The following HS3ST5 variants were observed in gnomAD, a reference collection of about 807,000 sequenced individuals.
The protein encoded by HS3ST5 is heparan sulfate glucosamine 3-O-sulfotransferase 5.
In HS3ST5, 10 loss-of-function variants were observed where a neutral mutation model predicts 25.4. The ratio of observed to expected loss-of-function variants is 0.39; its 90% CI spans 0.24 to 0.67. The LOEUF (loss-of-function observed/expected upper bound fraction) is 0.67. Ranked by LOEUF, HS3ST5 falls within the 30% of genes least tolerant of loss-of-function variation. The pLI is 0.44. For synonymous variants in HS3ST5, 170 were observed against 162.4 expected (o/e 1.05, Z -0.36); for missense variants, 324 against 420.7 (o/e 0.77, Z 2.01).
chr6:114,072,796 T>A lies in HS3ST5; in HGVS notation c.-32-9919A>T, dbSNP rs143041579. 2.4e-3 allele frequency among the ~76,000 whole-genome samples: 365 copies of A among 152,278 alleles called. 2 individuals are homozygous for A. Among genetic ancestry groups the A allele is most frequent in the African/African-American group, 8.3e-3 (346 of 41,546 alleles). ...TCACAGAATTGGAAAAAAACTACTG[T>A]AAATTTCATATGGAATCAAAAAAGA... On this transcript the variant is annotated intron_variant, in intron 3 of 4. Transcript: ENST00000312719.
intron 1 of HS3ST5, among the ~76,000 whole-genome samples, chr6:114,304,435 C>T (rs1453443876): frequency 2.6e-5 from 4 of 152,044 alleles, no homozygotes; most frequent in Non-Finnish European, 4.4e-5. Flanking sequence ...AGAACTCTCA[C>T]ATTTATTTTT....
chr6:114,179,035 C>T (rs1295208686), intron 2 of HS3ST5: 1 of 152,150 alleles, frequency 6.6e-6, no homozygotes, highest in Non-Finnish European at 1.5e-5. Context: ...GTAGCCACTC[C>T]CAGTCAAGGA....
intron 1 of HS3ST5, among the ~76,000 whole-genome samples, chr6:114,284,052 A>G (rs1378506932): frequency 6.6e-6 from 1 of 151,940 alleles, no homozygotes; most frequent in Non-Finnish European, 1.5e-5. Context: ...TTGATCAGGA[A>G]TCTAATCTTA....
Position 114,155,403 on chromosome 6 carries a change from A to G in HS3ST5, c.-33+12948T>C, listed in dbSNP as rs185897643. Among the ~76,000 whole-genome samples the G allele has an allele frequency of 1.6e-4, 24 of 152,274 alleles. No homozygotes were observed. In the East Asian group the frequency reaches 2.1e-3, roughly 14 times the overall value. On this transcript the variant is annotated intron_variant, in intron 3 of 4. Transcript: ENST00000312719. ...TATTAGTCTTCTGTTAATCAAGCCA[A>G]TGGATTCTATTCAAAACTTGGAAAA...
intron 3 of HS3ST5, among the ~76,000 whole-genome samples, chr6:114,067,488 T>G (rs1773521539): frequency 2.0e-5 from 3 of 152,198 alleles, no homozygotes; most frequent in African/African-American, 7.2e-5. Flanking sequence ...ACAGGTCATC[T>G]GGTATATACT....
chr6:114,088,409 T>A (rs1019584916), intron 3 of HS3ST5, among the ~76,000 whole-genome samples: 3 of 151,684 alleles, frequency 2.0e-5, no homozygotes, highest in Admixed American at 6.6e-5. Context: ...TTTTTTTTTT[T>A]TAATTTTTCT....
At chr6:114,218,703 G>A (rs1781886695) in intron 2 of HS3ST5, among the ~76,000 whole-genome samples, 1 of 152,182 alleles carries the variant, frequency 6.6e-6, no homozygotes, top group African/African-American at 2.4e-5. Context: ...TAGAATCAGA[G>A]TTGTATTACT....
At position 114,057,681 on chromosome 6, in the gene HS3ST5, G is replaced by C; in HGVS notation, c.617C>G (p.Thr206Ser). The C allele has an allele frequency of 6.2e-7, 1 of 1,614,160 alleles. No homozygotes were observed. Among genetic ancestry groups the C allele is most frequent in the South Asian group, 1.1e-5 (1 of 91,084 alleles). The change falls in exon 5 of 5, where the codon ACT (threonine) becomes AGT (serine). Residue 206 changes from threonine (T) to serine (S), a missense_variant. Physicochemically the swap from Thr to Ser is moderately conservative, Grantham distance 58. This residue lies in a region of HS3ST5 where 203 missense variants were observed against 303.4 expected (regional missense o/e 0.67). Coordinates refer to ENST00000312719, the MANE Select transcript of HS3ST5 (RefSeq NM_153612.4). ...GGCCAGCTTCTCAAACTTGTAATAA[G>C]TTTTGTTCTTCCTCTCCTTCCCCTC... The part of the protein sequence containing the change: ...VLEGKERKNK[T>S]YYKFEKLAID...
chr6:114,282,826 A>G (rs2114743972), intron 1 of HS3ST5, among the ~76,000 whole-genome samples: 1 of 152,180 alleles, frequency 6.6e-6, no homozygotes, highest in East Asian at 1.9e-4. Context: ...TAGTGTAGCT[A>G]ATTTCTTACA....
chr6:114,321,391 T>C (rs575614990), intron 1 of HS3ST5, among the ~76,000 whole-genome samples: 2 of 152,224 alleles, frequency 1.3e-5, no homozygotes, highest in East Asian at 3.9e-4. Context: ...CTTTCTCAAT[T>C]AGCCTGGTGA....
chr6:114,318,919 A>T (rs1775852434), intron 1 of HS3ST5, among the ~76,000 whole-genome samples: 2 of 152,164 alleles, frequency 1.3e-5, no homozygotes, highest in Non-Finnish European at 1.5e-5. Flanking sequence ...CATCCCTTTT[A>T]TTAGCTCCTA....
Position 114,119,819 on chromosome 6 carries a change from G to A in HS3ST5, c.-33+48532C>T, listed in dbSNP as rs143138666. Among the ~76,000 whole-genome samples, 32 of 152,192 alleles carry A rather than the reference G, an allele frequency of 2.1e-4. 1 individual carries two copies. The East Asian group carries it at 5.0e-3, about 24-fold the overall frequency. ...GTTAGAAATTATGTCAAAATGTTGG[G>A]GTTCAAAGAGGACATCGGTCCTGCC... On this transcript the variant is annotated intron_variant, in intron 3 of 4. Transcript: ENST00000312719.
intron 2 of HS3ST5, chr6:114,179,078 G>T (rs1179280888): frequency 6.6e-6 from 1 of 152,134 alleles, no homozygotes; most frequent in African/African-American, 2.4e-5. Context: ...GACCTTTTAG[G>T]ATATGGTACA....
intron 4 of HS3ST5, among the ~76,000 whole-genome samples, chr6:114,061,542 G>A (rs1773115214): frequency 6.6e-6 from 1 of 152,154 alleles, no homozygotes. Flanking sequence ...ATTTTGGAAG[G>A]AAAAGAAAAC....
rs113489200 is a variant in HS3ST5 at position 114,300,521 on chromosome 6, T to C, written c.-339+41674A>G. Among the ~76,000 whole-genome samples the C allele has an allele frequency of 3.8e-3, 575 of 152,238 alleles. 2 individuals carry two copies. Among genetic ancestry groups the C allele is most frequent in the Non-Finnish European group, 5.9e-3 (399 of 68,016 alleles). On this transcript the variant is annotated intron_variant, in intron 1 of 4. Transcript: ENST00000312719. ...ACAATAATAAGTGCTGGTAAGAATG[T>C]AGAGAAATTTGAACCCTCATACATT...
intron 1 of HS3ST5, among the ~76,000 whole-genome samples, chr6:114,242,482 AGAG>A (rs1306264566): frequency 1.3e-5 from 2 of 152,212 alleles, no homozygotes; most frequent in African/African-American, 4.8e-5. Context: ...TATAACTTTT[AGAG>A]GAGGATACTC....
chr6:114,303,370 TAA>T (rs767197017), intron 1 of HS3ST5, among the ~76,000 whole-genome samples: 9 of 151,360 alleles, frequency 5.9e-5, no homozygotes, highest in Middle Eastern at 6.8e-3. Flanking sequence ...CCTATTGATT[TAA>T]AGTCTGGATT....
intron 3 of HS3ST5, chr6:114,143,957 A>G (rs1778031543): frequency 6.6e-6 from 1 of 152,372 alleles, no homozygotes; most frequent in Non-Finnish European, 1.5e-5. Flanking sequence ...TGGTCTGTAT[A>G]TATGTCCCAG....
intron 1 of HS3ST5, among the ~76,000 whole-genome samples, chr6:114,314,027 G>A (rs1031881672): frequency 2.6e-5 from 4 of 152,170 alleles, no homozygotes; most frequent in Admixed American, 1.3e-4. Flanking sequence ...CCAGGCTCGC[G>A]TGATTCTCAT....
Sources: gnomAD v4.1 joint callset for allele counts (sites outside exome capture counted in the v4.1 genomes callset) on GRCh38, gnomAD v4.1.1 for gene constraint, gnomAD v4.1.1 regional missense constraint, MANE v1.5 for transcripts, NCBI Gene and HGNC (gene_info 2026-07-23, HGNC 2026-07-21) for gene names.